The following BMPER variants were observed in gnomAD, a reference collection of about 807,000 sequenced individuals.
BMPER encodes BMP-binding endothelial regulator protein.
Under a neutral mutation model 87.3 loss-of-function variants are expected in BMPER, and 45 were observed. The observed-to-expected ratio is 0.52, with a 90% CI of 0.41 to 0.66. The LOEUF (loss-of-function observed/expected upper bound fraction) is 0.66, where lower values mean the gene tolerates loss of function less well. Among genes scored for constraint, BMPER ranks in the 30% least tolerant of loss-of-function variants. The pLI, the probability that BMPER is intolerant of heterozygous loss-of-function variation, is 0.00. For synonymous variants in BMPER, 326 were observed against 316.2 expected (o/e 1.03, Z -0.33); for missense variants, 784 against 867.5 (o/e 0.90, Z 1.21).
intron 6 of BMPER, among the ~76,000 whole-genome samples, chr7:34,003,806 A>G (rs1786653589): frequency 6.6e-6 from 1 of 152,100 alleles, no homozygotes; most frequent in African/African-American, 2.4e-5. Flanking sequence ...TCTCTTGTAT[A>G]TAATGAGTTA....
At chr7:33,939,080 A>C (rs1267615325) in intron 3 of BMPER, among the ~76,000 whole-genome samples, 1 of 152,112 alleles carries the variant, frequency 6.6e-6, no homozygotes, top group Non-Finnish European at 1.5e-5. Context: ...TGGAGGGACC[A>C]ACTTGGAAAG....
chr7:33,953,002 T>G (rs1000268954), intron 3 of BMPER, among the ~76,000 whole-genome samples: 2 of 152,210 alleles, frequency 1.3e-5, no homozygotes, highest in Non-Finnish European at 1.5e-5. Context: ...AGTAGGTTGG[T>G]GGTTGGAGGG....
chr7:34,143,118 A>C, intron 13 of BMPER, 112 bp from the exon 14 acceptor site: 1 of 1,529,510 alleles, frequency 6.5e-7, no homozygotes, highest in Non-Finnish European at 8.9e-7. Context: ...AAAACAGCAA[A>C]TTTTAATGGG....
At chr7:33,982,785 C>T (rs571663745) in intron 6 of BMPER, among the ~76,000 whole-genome samples, 1 of 152,244 alleles carries the variant, frequency 6.6e-6, no homozygotes, top group African/African-American at 2.4e-5. Context: ...GAAAATACCA[C>T]CAAAATGACC....
Position 33,994,238 on chromosome 7 carries a change from G to T in BMPER, c.576+19454G>T, listed in dbSNP as rs376675862. Among the ~76,000 whole-genome samples the T allele has an allele frequency of 1.2e-4, 18 of 151,170 alleles. No homozygotes were observed. The South Asian group carries it at 2.7e-3, about 23-fold the overall frequency. On this transcript the variant is annotated intron_variant, in intron 6 of 14. Coordinates refer to ENST00000649409, the MANE Select transcript of BMPER (RefSeq NM_001365308.1). ...CCCAGCCTCGCTGCCGCCTTGCAGT[G>T]TGATCTCAGACTGCTGTGCTAGCAA...
chr7:34,113,433 T>C (rs1410550570), intron 13 of BMPER, among the ~76,000 whole-genome samples: 1 of 151,716 alleles, frequency 6.6e-6, no homozygotes, highest in African/African-American at 2.4e-5. Context: ...AAATAAAAAA[T>C]ACACATAAAT....
chr7:34,141,302 G>C (rs1431880410), intron 13 of BMPER, among the ~76,000 whole-genome samples: 1 of 152,100 alleles, frequency 6.6e-6, no homozygotes, highest in Non-Finnish European at 1.5e-5. Flanking sequence ...TAAAAGTGGG[G>C]AGAAGTATTA....
chr7:34,129,577 G>GGAGAGAGAGA (rs759886152), intron 13 of BMPER, among the ~76,000 whole-genome samples: 1,495 of 47,624 alleles, frequency 0.031, 35 homozygotes, highest in Middle Eastern at 0.048. Flanking sequence ...AAGGAAGGAA[G>GGAGAGAGAGA]GAGAGAGAGA....
intron 6 of BMPER, among the ~76,000 whole-genome samples, chr7:34,030,093 A>T (rs1020716652): frequency 2.0e-5 from 3 of 152,102 alleles, no homozygotes; most frequent in African/African-American, 7.2e-5. Context: ...TGGTTTTTGG[A>T]ATTCATAAAA....
At chr7:34,061,716 C>T (rs1202359950) in intron 10 of BMPER, among the ~76,000 whole-genome samples, 1 of 152,166 alleles carries the variant, frequency 6.6e-6, no homozygotes, top group Non-Finnish European at 1.5e-5. Flanking sequence ...TCTTCATCTT[C>T]CTTCCATGTG....
chr7:34,095,153 T>A (rs1789495593), intron 13 of BMPER, among the ~76,000 whole-genome samples: 1 of 152,194 alleles, frequency 6.6e-6, no homozygotes, highest in Non-Finnish European at 1.5e-5. Context: ...ATTAATTCCA[T>A]AAGATGAATA....
rs1207794639 is a variant in BMPER at position 33,909,697 on chromosome 7, G to GAAAC, written c.219+2797_219+2798insCAAA. Among the ~76,000 whole-genome samples, 226 of 131,300 alleles carry GAAAC rather than the reference G, an allele frequency of 1.7e-3. 2 individuals are homozygous for GAAAC. Among genetic ancestry groups the GAAAC allele is most frequent in the Non-Finnish European group, 2.2e-3 (136 of 61,062 alleles). The allele number at this position is 131,300 out of a possible 152,430, so 86.1% of individuals were successfully genotyped here. On this transcript the variant is annotated intron_variant, in intron 2 of 14. Transcript: ENST00000649409. ...AACATGTACAAAAAAAAAAAAAAAA[G>GAAAC]AAAGAAAAAGCTAACGTCAACGTAT... is the stretch of plus-strand genomic sequence containing the variant.
intron 6 of BMPER, among the ~76,000 whole-genome samples, chr7:34,024,877 G>A (rs769391809): frequency 1.3e-5 from 2 of 151,958 alleles, no homozygotes; most frequent in Non-Finnish European, 2.9e-5. Context: ...TTGTTTTTAG[G>A]GAGTGACTTG....
chr7:34,087,790 C>T (rs1020905666), intron 13 of BMPER, among the ~76,000 whole-genome samples: 2 of 152,168 alleles, frequency 1.3e-5, no homozygotes. Context: ...GCCAAGCAGC[C>T]TACACCTTTG....
At chr7:33,981,178 CCTGTGAGCTCATTAGAAATGCAG>C in intron 6 of BMPER, among the ~76,000 whole-genome samples, 1 of 152,316 alleles carries the variant, frequency 6.6e-6, no homozygotes, top group South Asian at 2.1e-4. Context: ...GTGGACCTCA[CCTGTGAGCTCATTAGAAATGCAG>C]CATCTCTGTC....
rs193187356 is a variant in BMPER at position 34,007,237 on chromosome 7, C to T, written c.576+32453C>T. Reference sequence around the variant, plus strand: ...TCTCATTTATGAAATGAGGGGATTGCGATAGGCAATGATTCTCAACTTTTC... The same window carrying T: ...TCTCATTTATGAAATGAGGGGATTGTGATAGGCAATGATTCTCAACTTTTC... On this transcript the variant is annotated intron_variant, in intron 6 of 14. Transcript: ENST00000649409. Among the ~76,000 whole-genome samples the T allele has an allele frequency of 3.0e-3, 452 of 152,086 alleles. 1 individual carries two copies. Among genetic ancestry groups the T allele is most frequent in the Middle Eastern group, 6.8e-3 (2 of 294 alleles).
chr7:34,036,754 G>A (rs1415205423), intron 6 of BMPER, among the ~76,000 whole-genome samples: 43 of 152,082 alleles, frequency 2.8e-4, no homozygotes, highest in Admixed American at 2.8e-3. Flanking sequence ...AAATAGCTGT[G>A]GACACCCAGA....
intron 6 of BMPER, among the ~76,000 whole-genome samples, chr7:33,978,699 T>G (rs1785758887): frequency 6.6e-6 from 1 of 152,194 alleles, no homozygotes; most frequent in South Asian, 2.1e-4. Flanking sequence ...AAATGCATTG[T>G]AAGTTGAAGA....
intron 6 of BMPER, among the ~76,000 whole-genome samples, chr7:33,994,221 C>T (rs532451732): frequency 1.3e-4 from 20 of 152,028 alleles, no homozygotes; most frequent in African/African-American, 3.6e-4. Flanking sequence ...CCCCCAGCCT[C>T]GCTGCCGCCT....
Sources: allele counts gnomAD v4.1 joint callset (sites outside exome capture counted in the v4.1 genomes callset), GRCh38; gene constraint gnomAD v4.1.1; transcripts MANE v1.5; gene names NCBI Gene and HGNC (gene_info 2026-07-23, HGNC 2026-07-21).